Variants in RALGPS2 observed in about 807,000 individuals in gnomAD.
The protein encoded by RALGPS2 is ras-specific guanine nucleotide-releasing factor RalGPS2.
A neutral mutation model predicts 86.8 loss-of-function variants in RALGPS2; 43 were observed. The ratio of observed to expected loss-of-function variants is 0.50; its 90% CI spans 0.39 to 0.64. The LOEUF is 0.64. Among genes scored for constraint, RALGPS2 ranks in the 30% least tolerant of loss-of-function variants. RALGPS2 has a pLI of 0.00. For missense variants in RALGPS2, 536 were observed against 694.6 expected (o/e 0.77, Z 2.57); for synonymous variants, 243 against 231.3 (o/e 1.05, Z -0.46).
chr1:178,741,967 C>G (rs1489024796), intron 1 of RALGPS2, among the ~76,000 whole-genome samples: 1 of 151,784 alleles, frequency 6.6e-6, no homozygotes, highest in African/African-American at 2.4e-5. Flanking sequence ...GAGACCCTGT[C>G]TCTACCAAAA....
rs1236826885 is a variant in RALGPS2 at position 178,897,676 on chromosome 1, A to G, written c.1444A>G (p.Thr482Ala). The change falls in exon 17 of 20, where the codon ACA becomes GCA. Residue 482 changes from threonine to alanine, a missense_variant. Physicochemically the swap from Thr to Ala is moderately conservative, Grantham distance 58 (BLOSUM62 0). Around this residue, in one of 3 missense-constraint regions of RALGPS2, gnomAD observed 309 missense variants for 363.0 expected, o/e 0.85. Coordinates refer to ENST00000367635, the MANE Select transcript of RALGPS2 (RefSeq NM_152663.5). ...EGKKPTVASW[T>A]KYWAALCGTQ... ...TTGTCCTATCCAGGTAGCATCTTGG[A>G]CAAAATATTGGGCAGCTTTGTGTGG... 1.2e-6 allele frequency: 2 copies of G among 1,612,062 alleles called. No homozygotes were observed. Among genetic ancestry groups the G allele is most frequent in the Non-Finnish European group, 1.7e-6 (2 of 1,178,562 alleles).
chr1:178,830,789 A>G (rs1158754963), intron 7 of RALGPS2, among the ~76,000 whole-genome samples: 1 of 152,186 alleles, frequency 6.6e-6, no homozygotes, highest in Non-Finnish European at 1.5e-5. Context: ...ATCAAAAGAT[A>G]CCTTAAAATG....
intron 1 of RALGPS2, among the ~76,000 whole-genome samples, chr1:178,761,546 C>T (rs1652241154): frequency 6.6e-6 from 1 of 151,760 alleles, no homozygotes. Flanking sequence ...ATAAAGCTTT[C>T]AATTGTTTTT....
At chr1:178,753,608 A>C (rs563600324) in intron 1 of RALGPS2, 1 of 152,142 alleles carries the variant, frequency 6.6e-6, no homozygotes, top group Non-Finnish European at 1.5e-5. Context: ...TTTTTCTTTT[A>C]AAATTTATGT....
chr1:178,801,408 T>G (rs1327571322), intron 4 of RALGPS2, among the ~76,000 whole-genome samples: 1 of 152,192 alleles, frequency 6.6e-6, no homozygotes. Context: ...CAGAGATTAT[T>G]ATGTGCCAGT....
At chr1:178,766,069 A>T (rs910268905) in intron 1 of RALGPS2, among the ~76,000 whole-genome samples, 1 of 152,366 alleles carries the variant, frequency 6.6e-6, no homozygotes, top group African/African-American at 2.4e-5. Context: ...AGACAGGCAT[A>T]GGAAGTCACA....
intron 6 of RALGPS2, among the ~76,000 whole-genome samples, chr1:178,821,255 CAG>C (rs1161888686): frequency 2.0e-5 from 3 of 152,104 alleles, no homozygotes; most frequent in Non-Finnish European, 4.4e-5. Context: ...AAACATAAAG[CAG>C]AGGCTTAGTA....
At chr1:178,764,801 C>G (rs1367276577) in intron 1 of RALGPS2, among the ~76,000 whole-genome samples, 1 of 152,170 alleles carries the variant, frequency 6.6e-6, no homozygotes, top group Admixed American at 6.5e-5. Context: ...TGGTTTGGCT[C>G]TGTGTCCCCA....
intron 5 of RALGPS2, among the ~76,000 whole-genome samples, chr1:178,810,805 C>G (rs1376489930): frequency 6.6e-6 from 1 of 151,848 alleles, no homozygotes; most frequent in Non-Finnish European, 1.5e-5. Context: ...GAACTATATT[C>G]TGTATTTAGA....
chr1:178,904,813 T>C (rs1660325054), intron 18 of RALGPS2, among the ~76,000 whole-genome samples: 1 of 152,218 alleles, frequency 6.6e-6, no homozygotes, highest in Non-Finnish European at 1.5e-5. Flanking sequence ...TCACTTAGTC[T>C]TGCTTCGGCT....
chr1:178,886,221 G>A, intron 13 of RALGPS2, 101 bp downstream of exon 13: 1 of 1,285,606 alleles, frequency 7.8e-7, no homozygotes. Flanking sequence ...GAGAAAATTT[G>A]GTTAAAAAAA....
intron 4 of RALGPS2, among the ~76,000 whole-genome samples, chr1:178,798,973 C>T (rs1216354434): frequency 6.6e-6 from 1 of 152,172 alleles, no homozygotes; most frequent in South Asian, 2.1e-4. Context: ...CAAGCAGCAG[C>T]AGACAGGCTC....
intron 18 of RALGPS2, among the ~76,000 whole-genome samples, chr1:178,906,031 T>C (rs1572471195): frequency 1.3e-5 from 2 of 152,214 alleles, no homozygotes; most frequent in East Asian, 3.8e-4. Flanking sequence ...TGTTTAAGTA[T>C]TAAACATATT....
At position 178,916,363 on chromosome 1, in the gene RALGPS2, C is replaced by A. The variant is rs751033530; in HGVS notation, c.*4C>A. 56 of 1,599,088 alleles carry A rather than the reference C, an allele frequency of 3.5e-5. No individual in the cohort carries two copies. The highest frequency in any genetic ancestry group is 4.3e-6 in the Non-Finnish European group (5 of 1,168,024). ...AAACTTGATGACTTTTGAGTAGAAG[C>A]CTGAGAAAAAAAGAGAGGTGAACTG... On this transcript the variant is annotated 3_prime_UTR_variant, in exon 20 of 20. Coordinates refer to ENST00000367635, the MANE Select transcript of RALGPS2 (RefSeq NM_152663.5).
chr1:178,819,815 C>T (rs562700883), intron 6 of RALGPS2, among the ~76,000 whole-genome samples: 20 of 152,306 alleles, frequency 1.3e-4, no homozygotes, highest in Admixed American at 5.2e-4. Context: ...TTCAACTCCA[C>T]TGACACTAAT....
chr1:178,818,035 C>G (rs1269813082), intron 6 of RALGPS2, among the ~76,000 whole-genome samples: 1 of 152,090 alleles, frequency 6.6e-6, no homozygotes, highest in Non-Finnish European at 1.5e-5. Context: ...GGTGGTTAAG[C>G]CCAATCCTCT....
At chr1:178,737,157 G>A (rs1009224311) in intron 1 of RALGPS2, among the ~76,000 whole-genome samples, 4 of 152,110 alleles carry the variant, frequency 2.6e-5, no homozygotes, top group Non-Finnish European at 5.9e-5. Flanking sequence ...TATGGCATTC[G>A]AATTTAAGAG....
At chr1:178,803,298 A>G (rs953986136) in intron 4 of RALGPS2, among the ~76,000 whole-genome samples, 1 of 152,220 alleles carries the variant, frequency 6.6e-6, no homozygotes, top group Admixed American at 6.5e-5. Context: ...GTAAAGGTCT[A>G]TAATGGAGTT....
chr1:178,843,166 T>G (rs1376203102), intron 8 of RALGPS2, among the ~76,000 whole-genome samples: 4,948 of 142,410 alleles, frequency 0.035, 11 homozygotes, highest in African/African-American at 0.13. Context: ...TATACCCAAA[T>G]GACTATAAAT....
Sources: allele counts gnomAD v4.1 joint callset (sites outside exome capture counted in the v4.1 genomes callset), GRCh38; gene constraint gnomAD v4.1.1; regional missense constraint gnomAD v4.1.1; transcripts MANE v1.5; gene names NCBI Gene and HGNC (gene_info 2026-07-23, HGNC 2026-07-21).